The following EIF5B variants were observed in gnomAD, a reference collection of about 807,000 sequenced individuals.
EIF5B encodes eIF-5B.
A neutral mutation model predicts 147.5 loss-of-function variants in EIF5B; 47 were observed. The observed-to-expected ratio is 0.32, with a 90% CI of 0.25 to 0.41. EIF5B has a LOEUF of 0.41. Ranked by LOEUF, EIF5B falls within the 10% of genes least tolerant of loss-of-function variation. The probability of loss-of-function intolerance (pLI) is 1.00; values close to 1 mark genes in which losing one functional copy is unlikely to be tolerated. For missense variants in EIF5B, 1,064 were observed against 1,413.2 expected, an observed-to-expected ratio of 0.75 and a Z score of 3.96; for synonymous variants, 455 against 456.2, an observed-to-expected ratio of 1.00 and a Z score of 0.03.
chr2:99,349,774 TATC>T (rs1467710952), intron 1 of EIF5B, among the ~76,000 whole-genome samples: 1 of 152,246 alleles, frequency 6.6e-6, no homozygotes, highest in Non-Finnish European at 1.5e-5. Flanking sequence ...TTAGCATATC[TATC>T]ACGTCAAACA....
chr2:99,361,811 G>A lies in EIF5B; in HGVS notation c.910G>A (p.Ala304Thr). The A allele has an allele frequency of 2.6e-6, 4 of 1,543,538 alleles. No individual in the cohort carries two copies. The highest frequency in any genetic ancestry group is 2.6e-6 in the Non-Finnish European group (3 of 1,156,156). The change falls in exon 4 of 24, where the codon GCT (alanine) becomes ACT (threonine). Residue 304 changes from alanine (A) to threonine (T), a missense_variant. Ala to Thr is a moderately conservative substitution (Grantham distance 58). Coordinates refer to ENST00000289371, the MANE Select transcript of EIF5B (RefSeq NM_015904.4). Reference sequence around the variant, plus strand: ...TGAAGAGAAAGCAGAGACTCCCACAGCTGCAGAAGGTTGGTTAATACTTTA... The same window carrying A: ...TGAAGAGAAAGCAGAGACTCCCACAACTGCAGAAGGTTGGTTAATACTTTA... The part of the protein sequence containing the change: ...ASEEKAETPT[A>T]AEDDNEGDKK...
chr2:99,360,930 A>G (rs964535730), intron 3 of EIF5B, among the ~76,000 whole-genome samples: 5 of 152,244 alleles, frequency 3.3e-5, no homozygotes, highest in Non-Finnish European at 5.9e-5. Context: ...GCCTGTTTCA[A>G]GAGCCCCTGG....
At chr2:99,338,409 C>T (rs1376817056) in intron 1 of EIF5B, 1 of 1,134,450 alleles carries the variant, frequency 8.8e-7, no homozygotes, top group Non-Finnish European at 1.2e-6. Context: ...TGAACAACAT[C>T]TGTTACATTA....
intron 6 of EIF5B, 148 bp from the exon 7 acceptor site, chr2:99,368,345 A>G (rs191910117): frequency 9.0e-6 from 6 of 666,016 alleles, no homozygotes; most frequent in East Asian, 8.4e-5. Context: ...AATACCTTAT[A>G]TGTAAAAGAT....
At chr2:99,375,076 A>C (rs2104213561) in intron 9 of EIF5B, among the ~76,000 whole-genome samples, 1 of 152,056 alleles carries the variant, frequency 6.6e-6, no homozygotes, top group African/African-American at 2.4e-5. Flanking sequence ...TTATAGTTTT[A>C]ATTCACCTTC....
chr2:99,340,578 TTA>T (rs2094257295), intron 1 of EIF5B: 1 of 152,240 alleles, frequency 6.6e-6, no homozygotes, highest in Non-Finnish European at 1.5e-5. Context: ...TCCTTAATTC[TTA>T]TATTTAATTA....
chr2:99,386,535 GTT>G (rs1194174885), intron 14 of EIF5B, among the ~76,000 whole-genome samples: 1 of 140,640 alleles, frequency 7.1e-6, no homozygotes, highest in African/African-American at 2.6e-5. Context: ...GTGTGTGTGT[GTT>G]TTTTTTTTTG....
chr2:99,385,850 A>T (rs1354281192), intron 14 of EIF5B, among the ~76,000 whole-genome samples: 1 of 152,150 alleles, frequency 6.6e-6, no homozygotes, highest in Non-Finnish European at 1.5e-5. Flanking sequence ...ATTTCCAGAA[A>T]AGTTCTCTCA....
rs567115660 is a variant in EIF5B, at chr2:99,368,404, G to C, written c.1289-89G>C. On this transcript the variant is annotated intron_variant, in intron 6 of 23. Transcript: ENST00000289371. ...TTCATATTTTAGGGTATGTGTCTCT[G>C]TGGTGAATGAAATGCTATCCTTTAA... 184 of 922,352 alleles carry C rather than the reference G, an allele frequency of 2.0e-4. No individual in the cohort carries two copies. The African/African-American group carries it at 2.8e-3, about 14-fold the overall frequency. 57.1% of individuals were successfully genotyped at this position (922,352 alleles called of 1,614,324 possible).
intron 21 of EIF5B, 50 bp downstream of exon 21, chr2:99,394,933 G>A: frequency 6.8e-7 from 1 of 1,464,470 alleles, no homozygotes; most frequent in East Asian, 2.3e-5. Flanking sequence ...GAACATGATT[G>A]AGAATTACTG....
At chr2:99,374,055 G>A (rs973278912) in intron 9 of EIF5B, among the ~76,000 whole-genome samples, 4 of 152,218 alleles carry the variant, frequency 2.6e-5, no homozygotes, top group Non-Finnish European at 4.4e-5. Flanking sequence ...CTGGGAGGCC[G>A]AGGTGGGCGG....
In EIF5B at chr2:99,396,753, C is replaced by T. The variant is rs1023484482; in HGVS notation, c.3255-7C>T. On this transcript the variant is annotated splice_polypyrimidine_tract_variant and splice_region_variant and intron_variant, in intron 21 of 23. Transcript: ENST00000289371. The stretch of plus-strand genomic sequence containing the variant: ...AAGCTTAAAATTCTTTTCTTTTTTC[C>T]TTTCAGGCACATAGCAGTATTTCCC... The T allele has an allele frequency of 3.8e-6, 6 of 1,579,622 alleles. No individual in the cohort carries two copies. The East Asian group carries it at 6.8e-5, about 18-fold the overall frequency.
intron 14 of EIF5B, among the ~76,000 whole-genome samples, chr2:99,386,535 G>GTT (rs1194174885): frequency 2.1e-5 from 3 of 140,676 alleles, no homozygotes; most frequent in African/African-American, 5.2e-5. Context: ...GTGTGTGTGT[G>GTT]TTTTTTTTTT....
At chr2:99,362,853 G>T (rs1674248584) in intron 4 of EIF5B, among the ~76,000 whole-genome samples, 1 of 151,840 alleles carries the variant, frequency 6.6e-6, no homozygotes, top group African/African-American at 2.4e-5. Context: ...CCTCTTTACA[G>T]GTTCGAGTGA....
chr2:99,397,412 A>T (rs962111491), intron 22 of EIF5B: 1 of 152,166 alleles, frequency 6.6e-6, no homozygotes, highest in Non-Finnish European at 1.5e-5. Context: ...CTCCCCACCA[A>T]TCTGGCCCAG....
Position 99,390,266 on chromosome 2 carries a change from T to C in EIF5B, c.2451T>C (p.Phe817=), listed in dbSNP as rs773209467. The part of the protein sequence containing the change: ...LFYENKDPRT[F]VSLVPTSAHT... ...ATGAGAATAAAGATCCCCGCACTTT[T>C]GTGTCTTTGGTACCTACCTCTGCAC... Residue 817 remains phenylalanine, a synonymous_variant, in exon 16 of 24, where the codon TTT becomes TTC. Coordinates refer to ENST00000289371, the MANE Select transcript of EIF5B (RefSeq NM_015904.4). 1.2e-6 allele frequency: 2 copies of C among 1,614,104 alleles called. No individual in the cohort carries two copies. Among genetic ancestry groups the C allele is most frequent in the South Asian group, 1.1e-5 (1 of 91,072 alleles).
In EIF5B at chr2:99,400,408, T is replaced by G. The variant is rs1402834032; in HGVS notation, c.*994T>G. ...TTCGTAGTAGTAATCTGTAGCTAGT[T>G]TTAGGGTTTTGCTGAAGTCAGTGTG... is the stretch of plus-strand genomic sequence containing the variant. On this transcript the variant is annotated 3_prime_UTR_variant, in exon 24 of 24. Coordinates refer to ENST00000289371, the MANE Select transcript of EIF5B (RefSeq NM_015904.4). The G allele has an allele frequency of 6.6e-6, 1 of 152,174 alleles. No individual in the cohort carries two copies. The highest frequency in any genetic ancestry group is 1.5e-5 in the Non-Finnish European group (1 of 68,036). 9.4% of individuals were successfully genotyped at this position (152,174 alleles called of 1,614,324 possible).
In EIF5B at chr2:99,361,554, A is replaced by T; in HGVS notation, c.653A>T (p.Asp218Val). 6.2e-7 allele frequency: 1 copy of T among 1,613,630 alleles called. No individual in the cohort carries two copies. Among genetic ancestry groups the T allele is most frequent in the Non-Finnish European group, 8.5e-7 (1 of 1,179,928 alleles). Residue 218 changes from aspartate to valine, a missense_variant, in exon 4 of 24, where the codon GAT becomes GTT. This residue lies in a region of EIF5B where 458 missense variants were observed against 451.3 expected (regional missense o/e 1.01). Coordinates refer to ENST00000289371, the MANE Select transcript of EIF5B (RefSeq NM_015904.4). The stretch of plus-strand genomic sequence containing the variant: ...CCTAACATAGAAAGTGGGAATGAAG[A>T]TGATGACGCCTCCTTCAAAATTAAG... Reference protein sequence around the residue: ...PGPNIESGNEDDDASFKIKTV... With the variant: ...PGPNIESGNEVDDASFKIKTV...
rs1674656731 is a variant in EIF5B at position 99,380,035 on chromosome 2, A to G, written c.2061+607A>G. Among the ~76,000 whole-genome samples the G allele has an allele frequency of 3.9e-5, 6 of 152,294 alleles. 1 individual carries two copies. The South Asian group carries it at 8.3e-4, about 21-fold the overall frequency. On this transcript the variant is annotated intron_variant, in intron 12 of 23. Transcript: ENST00000289371. ...TACCTTTTAATGTGTTAGGAGTTGC[A>G]AAATGTTGATACTCGAACTCCATCA...
Sources: allele counts gnomAD v4.1 joint callset (sites outside exome capture counted in the v4.1 genomes callset), GRCh38; gene constraint gnomAD v4.1.1; regional missense constraint gnomAD v4.1.1; transcripts MANE v1.5; gene names NCBI Gene and HGNC (gene_info 2026-07-23, HGNC 2026-07-21).